ZMIZ1: variants seen among roughly 807,000 people sequenced by gnomAD.
The protein encoded by ZMIZ1 is zinc finger MIZ-type containing 1.
Under a neutral mutation model 113.9 loss-of-function variants are expected in ZMIZ1, and 17 were observed. The ratio of observed to expected loss-of-function variants is 0.15; its 90% CI spans 0.10 to 0.22. The LOEUF (loss-of-function observed/expected upper bound fraction) is 0.22. Ranked by LOEUF, ZMIZ1 falls within the 10% of genes least tolerant of loss-of-function variation. ZMIZ1 has a pLI of 1.00. For missense variants in ZMIZ1, 1,059 were observed against 1,477.8 expected, an observed-to-expected ratio of 0.72 and a Z score of 4.65; for synonymous variants, 607 against 603.1, an observed-to-expected ratio of 1.01 and a Z score of -0.09.
chr10:79,069,106 A>C lies in ZMIZ1; in HGVS notation c.-501A>C, dbSNP rs1432542807. Reference sequence around the variant, plus strand: ...CGATCGGGCGGCCGAGCGAGCGAGCAACGCCGGCGCAGCGCGGTGACCCCA... The same window carrying C: ...CGATCGGGCGGCCGAGCGAGCGAGCCACGCCGGCGCAGCGCGGTGACCCCA... On this transcript the variant is annotated 5_prime_UTR_variant, in exon 1 of 25. Coordinates refer to ENST00000334512, the MANE Select transcript of ZMIZ1 (RefSeq NM_020338.4). The surrounding 1 kb of genome is among the most constrained non-coding windows in gnomAD (Gnocchi z 4.6). 1.3e-5 allele frequency: 2 copies of C among 149,778 alleles called. No individual in the cohort carries two copies. The highest frequency in any genetic ancestry group is 1.5e-5 in the Non-Finnish European group (1 of 67,090). The allele number at this position is 149,778 out of a possible 1,614,324, so 9.3% of individuals were successfully genotyped here.
At chr10:79,302,271 C>G (rs1854355325) in intron 18 of ZMIZ1, 59 bp downstream of exon 18, 5 of 1,540,362 alleles carry the variant, frequency 3.2e-6, no homozygotes, top group Non-Finnish European at 4.5e-6. Flanking sequence ...GAGTTTGGGA[C>G]TGAGAAGCAG....
At chr10:79,289,635 T>G in intron 8 of ZMIZ1, 140 bp from the exon 9 acceptor site, 1 of 701,854 alleles carries the variant, frequency 1.4e-6, no homozygotes. Flanking sequence ...GAGACAGGCC[T>G]GGGGGGTCCA....
chr10:79,123,860 G>A (rs945219584), intron 2 of ZMIZ1, among the ~76,000 whole-genome samples: 1 of 152,240 alleles, frequency 6.6e-6, no homozygotes, highest in African/African-American at 2.4e-5. Context: ...GGCCTGGCCA[G>A]GGCCCAGCCC....
At chr10:79,276,308 C>G (rs902948938) in intron 7 of ZMIZ1, among the ~76,000 whole-genome samples, 1 of 152,230 alleles carries the variant, frequency 6.6e-6, no homozygotes, top group South Asian at 2.1e-4. Flanking sequence ...CCAGCTGAGA[C>G]ACGATGGACA....
intron 1 of ZMIZ1, among the ~76,000 whole-genome samples, chr10:79,080,122 C>T (rs561332484): frequency 2.6e-5 from 4 of 152,198 alleles, no homozygotes; most frequent in African/African-American, 4.8e-5. Flanking sequence ...CCTCCCTGCT[C>T]GCAGTCCTCA....
At chr10:79,205,480 TC>T (rs894837812) in intron 5 of ZMIZ1, among the ~76,000 whole-genome samples, 1 of 152,210 alleles carries the variant, frequency 6.6e-6, no homozygotes, top group Admixed American at 6.5e-5. Context: ...GTTTCTCCCC[TC>T]AGGAGGCTCA....
At chr10:79,238,875 A>G (rs1849700243) in intron 7 of ZMIZ1, among the ~76,000 whole-genome samples, 1 of 152,194 alleles carries the variant, frequency 6.6e-6, no homozygotes, top group South Asian at 2.1e-4. Context: ...CCTGCCAACC[A>G]GCAAGCTCTC....
intron 3 of ZMIZ1, among the ~76,000 whole-genome samples, 190 bp from the exon 4 acceptor site, chr10:79,161,863 G>A (rs1386499027): frequency 6.6e-6 from 1 of 151,864 alleles, no homozygotes; most frequent in Non-Finnish European, 1.5e-5. Flanking sequence ...GAGCATATCT[G>A]TAATCACATA....
chr10:79,286,880 G>T (rs929413850), intron 8 of ZMIZ1, among the ~76,000 whole-genome samples: 3 of 152,212 alleles, frequency 2.0e-5, no homozygotes, highest in Non-Finnish European at 2.9e-5. Context: ...TCCCATGGGG[G>T]TTCATTTCCT....
At chr10:79,112,925 G>T (rs1256481800) in intron 1 of ZMIZ1, among the ~76,000 whole-genome samples, 2 of 152,186 alleles carry the variant, frequency 1.3e-5, no homozygotes, top group African/African-American at 4.8e-5. Context: ...CTCTGGCGAG[G>T]GTGCTATCAA....
chr10:79,299,342 C>T (rs529635273), intron 16 of ZMIZ1, 151 bp downstream of exon 16: 41 of 1,221,838 alleles, frequency 3.4e-5, no homozygotes, highest in African/African-American at 3.1e-4. Flanking sequence ...CCCTGTCCTG[C>T]GGTTGTCATG....
intron 1 of ZMIZ1, among the ~76,000 whole-genome samples, chr10:79,079,215 A>G (rs1842578656): frequency 6.6e-6 from 1 of 152,226 alleles, no homozygotes; most frequent in African/African-American, 2.4e-5. Context: ...GGCCTCTGCC[A>G]TGTCCCTAGA....
At chr10:79,162,226 T>G (rs891793363) in intron 4 of ZMIZ1, 93 bp downstream of exon 4, 13 of 397,868 alleles carry the variant, frequency 3.3e-5, no homozygotes, top group Non-Finnish European at 4.9e-5. Flanking sequence ...GCTGGACCTT[T>G]GACTCGGGCC....
At chr10:79,277,384 C>G in intron 8 of ZMIZ1, 59 bp downstream of exon 8, 2 of 1,508,640 alleles carry the variant, frequency 1.3e-6, no homozygotes, top group East Asian at 5.2e-5. Flanking sequence ...GGTCTCAGAT[C>G]TCCTTGGACA....
At chr10:79,177,399 C>G (rs964324395) in intron 4 of ZMIZ1, among the ~76,000 whole-genome samples, 1 of 152,250 alleles carries the variant, frequency 6.6e-6, no homozygotes, top group Non-Finnish European at 1.5e-5. Flanking sequence ...CAGCACCCCT[C>G]TAACTGGAGA....
intron 7 of ZMIZ1, among the ~76,000 whole-genome samples, chr10:79,256,897 A>T (rs144829077): frequency 1.7e-3 from 263 of 152,292 alleles, no homozygotes; most frequent in Non-Finnish European, 3.2e-3. Context: ...TTAAGAAAAT[A>T]AAAAAGAGGT....
Position 79,314,693 on chromosome 10 carries a change from C to T in ZMIZ1, c.*1944C>T, listed in dbSNP as rs11444882. On this transcript the variant is annotated 3_prime_UTR_variant, in exon 25 of 25. Coordinates refer to ENST00000334512, the MANE Select transcript of ZMIZ1 (RefSeq NM_020338.4). ...AGACCGAGTCTTCTTTTTTTTTAAA[C>T]AAAAACAAAAAAAGCAACCAGGGCT... 6.0e-6 allele frequency: 1 copy of T among 167,050 alleles called. No homozygotes were observed. Among genetic ancestry groups the T allele is most frequent in the Non-Finnish European group, 1.3e-5 (1 of 79,366 alleles). 10.3% of individuals were successfully genotyped at this position (167,050 alleles called of 1,614,324 possible). A position where few individuals can be genotyped will look rare whatever the true frequency, so the allele number is the denominator to read the frequency against.
intron 7 of ZMIZ1, among the ~76,000 whole-genome samples, chr10:79,240,677 G>T (rs1242619053): frequency 9.3e-6 from 1 of 106,958 alleles, no homozygotes; most frequent in East Asian, 4.5e-4. Flanking sequence ...CTTACCTGGG[G>T]AAAGTCTAAA....
intron 7 of ZMIZ1, among the ~76,000 whole-genome samples, chr10:79,261,179 G>A (rs996869346): frequency 3.3e-5 from 5 of 152,180 alleles, no homozygotes; most frequent in Admixed American, 1.3e-4. Flanking sequence ...TGGCCCCGCC[G>A]GGTGGTCGGG....
Sources: gnomAD v4.1 joint callset for allele counts (sites outside exome capture counted in the v4.1 genomes callset) on GRCh38, gnomAD v4.1.1 for gene constraint, Gnocchi (gnomAD v3.1) non-coding constraint, MANE v1.5 for transcripts, NCBI Gene and HGNC (gene_info 2026-07-23, HGNC 2026-07-21) for gene names.